The following ARHGEF10L variants were observed in gnomAD, a reference collection of about 807,000 sequenced individuals.
ARHGEF10L encodes Rho guanine nucleotide exchange factor 10 like.
In ARHGEF10L, 69 loss-of-function variants were observed where a neutral mutation model predicts 141.2. The ratio of observed to expected loss-of-function variants is 0.49; its 90% CI spans 0.40 to 0.60. The LOEUF (loss-of-function observed/expected upper bound fraction) is 0.60, where lower values mean the gene tolerates loss of function less well. ARHGEF10L is among the 20% of genes least tolerant of loss of function. ARHGEF10L has a pLI of 0.00. For missense variants in ARHGEF10L, 1,482 were observed against 1,734.3 expected (o/e 0.85, Z 2.58); for synonymous variants, 711 against 718.5 (o/e 0.99, Z 0.17).
At position 17,607,864 on chromosome 1, in the gene ARHGEF10L, G is replaced by A. The variant is rs2081323119; in HGVS notation, c.496G>A (p.Asp166Asn). 2 of 1,587,176 alleles carry A rather than the reference G, an allele frequency of 1.3e-6. No individual in the cohort carries two copies. The highest frequency in any genetic ancestry group is 8.6e-7 in the Non-Finnish European group (1 of 1,168,380). ...GGCTGGGGCCCCTCGGCAGGCGGAG[G>A]ACCTAGGCTGGAGCTCCAGTGAGTT... is the stretch of plus-strand genomic sequence containing the variant. Reference protein sequence around the residue: ...HRAGAPRQAEDLGWSSSEFES... With the variant: ...HRAGAPRQAENLGWSSSEFES... The change falls in exon 7 of 29, where the codon GAC becomes AAC. Residue 166 changes from aspartate to asparagine, a missense_variant. By Grantham distance (23) the Asp-to-Asn change is conservative. Around this residue, in one of 3 missense-constraint regions of ARHGEF10L, gnomAD observed 392 missense variants for 542.1 expected, o/e 0.72. Coordinates refer to ENST00000361221, the MANE Select transcript of ARHGEF10L (RefSeq NM_018125.4). This position sits in a 1 kb window ranked among gnomAD's most constrained non-coding sequence, Gnocchi z 4.5.
At chr1:17,515,722 A>T in the ARHGEF10L span, among the ~76,000 whole-genome samples, 4 of 151,382 alleles carry the variant, frequency 2.6e-5, no homozygotes, top group Non-Finnish European at 5.9e-5. Flanking sequence ...GGCTTATTGC[A>T]ACCTATGCCT....
chr1:17,655,944 C>G lies in ARHGEF10L; in HGVS notation c.2547C>G (p.Pro849=). The G allele has an allele frequency of 6.4e-7, 1 of 1,560,084 alleles. No homozygotes were observed. The highest frequency in any genetic ancestry group is 8.7e-7 in the Non-Finnish European group (1 of 1,151,626). The change falls in exon 24 of 29, where the codon CCC becomes CCG. Residue 849 remains proline (P), a synonymous_variant. Coordinates refer to ENST00000361221, the MANE Select transcript of ARHGEF10L (RefSeq NM_018125.4). ...VEIFSLNRPS[P]RTVKSFPLAA... is the part of the protein sequence containing the mutation. The stretch of plus-strand genomic sequence containing the variant: ...TCTTTTCCTTGAACCGGCCCTCGCC[C>G]CGCACCGTCAAGTCCTTCCCACTGG...
intron 2 of ARHGEF10L, among the ~76,000 whole-genome samples, chr1:17,581,682 A>T (rs12026569): frequency 0.094 from 14,252 of 152,154 alleles, 1,214 homozygotes; most frequent in African/African-American, 0.23. Flanking sequence ...ATCAGTAAAC[A>T]TGGGGACAAT....
chr1:17,653,895 G>A (rs1225090321), intron 22 of ARHGEF10L, among the ~76,000 whole-genome samples: 2 of 152,224 alleles, frequency 1.3e-5, no homozygotes, highest in Non-Finnish European at 2.9e-5. Flanking sequence ...TAGAAATTTT[G>A]TTAGAATATT....
At chr1:17,666,724 T>TC (rs982111477) in intron 26 of ARHGEF10L, among the ~76,000 whole-genome samples, 1 of 150,594 alleles carries the variant, frequency 6.6e-6, no homozygotes, top group Non-Finnish European at 1.5e-5. Context: ...TTCCCTGCTA[T>TC]CCCCCCAGCC....
At chr1:17,611,977 GTCCATCCATCCA>G (rs60216346) in intron 7 of ARHGEF10L, among the ~76,000 whole-genome samples, 3 of 150,006 alleles carry the variant, frequency 2.0e-5, no homozygotes, top group Non-Finnish European at 4.4e-5. Flanking sequence ...CCATCGGTTT[GTCCATCCATCCA>G]TCCATCCATC....
intron 26 of ARHGEF10L, among the ~76,000 whole-genome samples, chr1:17,686,490 G>A (rs769755697): frequency 3.3e-5 from 5 of 152,206 alleles, no homozygotes; most frequent in Admixed American, 6.5e-5. Context: ...AGCAGAGCAC[G>A]CCATTCAGAA....
At chr1:17,693,716 G>A (rs2065274681) in intron 27 of ARHGEF10L, among the ~76,000 whole-genome samples, 1 of 152,200 alleles carries the variant, frequency 6.6e-6, no homozygotes, top group African/African-American at 2.4e-5. Context: ...CCTTGTGTCA[G>A]ATGAGAGCAG....
chr1:17,655,537 A>C (rs2062190231), intron 23 of ARHGEF10L, among the ~76,000 whole-genome samples: 1 of 152,234 alleles, frequency 6.6e-6, no homozygotes, highest in Admixed American at 6.5e-5. Context: ...TATGCTAGAC[A>C]CAGAGGTAAA....
chr1:17,683,228 C>T (rs1183171073), intron 26 of ARHGEF10L, among the ~76,000 whole-genome samples: 3 of 106,760 alleles, frequency 2.8e-5, no homozygotes, highest in East Asian at 2.7e-4. Context: ...TGCTCTCACC[C>T]GGGTGCTCAC....
chr1:17,536,443 C>T (rs1051717079), upstream of ARHGEF10L, among the ~76,000 whole-genome samples: 2 of 152,108 alleles, frequency 1.3e-5, no homozygotes, highest in African/African-American at 4.8e-5. Flanking sequence ...CATCATTGCA[C>T]ACTGGCCTCA....
chr1:17,562,475 C>T (rs2256264), intron 1 of ARHGEF10L, among the ~76,000 whole-genome samples: 8,250 of 152,180 alleles, frequency 0.054, 267 homozygotes, highest in Non-Finnish European at 0.065. Flanking sequence ...CACCTCATAG[C>T]GTTGTGAGGA....
intron 1 of ARHGEF10L, among the ~76,000 whole-genome samples, chr1:17,554,935 G>A (rs1361340352): frequency 1.3e-5 from 2 of 152,100 alleles, no homozygotes; most frequent in African/African-American, 2.4e-5. Flanking sequence ...GCACTATGCT[G>A]TTTGCCTTCT....
intron 22 of ARHGEF10L, among the ~76,000 whole-genome samples, 199 bp downstream of exon 22, chr1:17,648,874 C>T (rs548592298): frequency 2.6e-5 from 4 of 152,318 alleles, no homozygotes; most frequent in South Asian, 2.1e-4. Context: ...AAAATGGAGG[C>T]GAACGACCAC....
At chr1:17,660,310 C>T (rs1304716090) in intron 25 of ARHGEF10L, among the ~76,000 whole-genome samples, 3 of 152,184 alleles carry the variant, frequency 2.0e-5, no homozygotes, top group African/African-American at 7.2e-5. Context: ...GGTTGGGCAT[C>T]AGGCTGCCGG....
intron 9 of ARHGEF10L, chr1:17,618,489 CCCTCCT>C (rs753543385): frequency 4.8e-6 from 7 of 1,447,892 alleles, no homozygotes; most frequent in East Asian, 2.8e-5. Flanking sequence ...CATCCGCTGT[CCCTCCT>C]CCTCCTCCTC....
chr1:17,556,119 G>A (rs572880870), intron 1 of ARHGEF10L, among the ~76,000 whole-genome samples: 2 of 82,664 alleles, frequency 2.4e-5, no homozygotes, highest in Non-Finnish European at 2.4e-5. Context: ...GCATGGGGGG[G>A]GCCTGGAAAC....
At position 17,573,775 on chromosome 1, in the gene ARHGEF10L, G is replaced by C. The variant is rs752566281; in HGVS notation, c.-43-6778G>C. Among the ~76,000 whole-genome samples, 3 of 151,858 alleles carry C rather than the reference G, an allele frequency of 2.0e-5. No homozygotes were observed. Among genetic ancestry groups the C allele is most frequent in the Non-Finnish European group, 4.4e-5 (3 of 67,914 alleles). On this transcript the variant is annotated intron_variant, in intron 1 of 28. Coordinates refer to ENST00000361221, the MANE Select transcript of ARHGEF10L (RefSeq NM_018125.4). This position sits in a 1 kb window ranked among gnomAD's most constrained non-coding sequence, Gnocchi z 4.8. ...ACCTACTCCCAGGGCCCCCTCCCCA[G>C]TGCTCCCCACTCTTCCTGCCTGCAG... is the stretch of plus-strand genomic sequence containing the variant.
chr1:17,540,636 C>T lies in ARHGEF10L; in HGVS notation c.-44+686C>T, dbSNP rs77657848. Among the ~76,000 whole-genome samples, 1,073 of 152,248 alleles carry T rather than the reference C, an allele frequency of 7.0e-3. 16 individuals carry two copies. Among genetic ancestry groups the T allele is most frequent in the East Asian group, 0.04 (206 of 5,136 alleles). On this transcript the variant is annotated intron_variant, in intron 1 of 28. Coordinates refer to ENST00000361221, the MANE Select transcript of ARHGEF10L (RefSeq NM_018125.4). ...GGGGCATGGGGACAATTCTTCCTCCCTCTGCCAAAGCGGGGCCCTGGGGCG... is the reference window on the plus strand; with the variant it reads ...GGGGCATGGGGACAATTCTTCCTCCTTCTGCCAAAGCGGGGCCCTGGGGCG...
Sources: gnomAD v4.1 joint callset for allele counts (sites outside exome capture counted in the v4.1 genomes callset) on GRCh38, gnomAD v4.1.1 for gene constraint, gnomAD v4.1.1 regional missense constraint, Gnocchi (gnomAD v3.1) non-coding constraint, MANE v1.5 for transcripts, NCBI Gene and HGNC (gene_info 2026-07-23, HGNC 2026-07-21) for gene names.